The following KLHL29 variants were observed in gnomAD, a reference collection of about 807,000 sequenced individuals.
KLHL29 encodes the protein kelch-like protein 29.
A neutral mutation model predicts 80.4 loss-of-function variants in KLHL29; 21 were observed. That is an observed-to-expected ratio of 0.26 (90% confidence interval 0.19 to 0.38). KLHL29 has a LOEUF of 0.38. Among genes scored for constraint, KLHL29 ranks in the 10% least tolerant of loss-of-function variants. The pLI, the probability that KLHL29 is intolerant of heterozygous loss-of-function variation, is 1.00. For missense variants in KLHL29, 867 were observed against 1,223.9 expected, an observed-to-expected ratio of 0.71 and a Z score of 4.35; for synonymous variants, 511 against 526.8, an observed-to-expected ratio of 0.97 and a Z score of 0.41.
At chr2:23,491,547 C>T (rs1049154675) in intron 2 of KLHL29, among the ~76,000 whole-genome samples, 6 of 93,470 alleles carry the variant, frequency 6.4e-5, no homozygotes, top group Non-Finnish European at 8.8e-5. Context: ...AGCCTTCCCC[C>T]GCTGGGCCAG....
At position 23,684,791 on chromosome 2, in the gene KLHL29, G is replaced by A. The variant is rs1671190325; in HGVS notation, c.1079+254G>A. On this transcript the variant is annotated intron_variant, in intron 6 of 13. Coordinates refer to ENST00000486442, the MANE Select transcript of KLHL29 (RefSeq NM_052920.2). This position sits in a 1 kb window ranked among gnomAD's most constrained non-coding sequence, Gnocchi z 4.4. Reference sequence around the variant, plus strand: ...GCTTTGCTGGTCACCAGGGGCCTCTGCCAGCAGTAGACAACACCGTGCCCC... The same window carrying A: ...GCTTTGCTGGTCACCAGGGGCCTCTACCAGCAGTAGACAACACCGTGCCCC... Among the ~76,000 whole-genome samples, 1 of 152,066 alleles carries A rather than the reference G, an allele frequency of 6.6e-6. No homozygotes were observed. Among genetic ancestry groups the A allele is most frequent in the Admixed American group, 6.5e-5 (1 of 15,268 alleles).
In KLHL29 at chr2:23,695,857, A is replaced by G. The variant is rs1334548435; in HGVS notation, c.1741+36A>G. On this transcript the variant is annotated intron_variant, in intron 9 of 13. Coordinates refer to ENST00000486442, the MANE Select transcript of KLHL29 (RefSeq NM_052920.2). The surrounding 1 kb of genome is among the most constrained non-coding windows in gnomAD (Gnocchi z 7.6). ...GCACGCCCCGAACCTCCCAAGAAGC[A>G]GTGTCTTGGGCTCAGTGGTTCCAGT... The G allele has an allele frequency of 6.5e-7, 1 of 1,538,292 alleles. No homozygotes were observed. Among genetic ancestry groups the G allele is most frequent in the Non-Finnish European group, 8.8e-7 (1 of 1,140,924 alleles).
intron 1 of KLHL29, among the ~76,000 whole-genome samples, chr2:23,417,224 C>T (rs1226213016): frequency 2.6e-5 from 4 of 152,144 alleles, no homozygotes; most frequent in Non-Finnish European, 5.9e-5. Context: ...CATCTCCTGG[C>T]CTCTGAGCTT....
chr2:23,591,718 C>T (rs914636510), intron 3 of KLHL29, among the ~76,000 whole-genome samples: 15 of 152,166 alleles, frequency 9.9e-5, no homozygotes, highest in African/African-American at 3.6e-4. Context: ...TCCATCCTGT[C>T]CCTCCAGCCT....
At position 23,642,353 on chromosome 2, in the gene KLHL29, T is replaced by A; in HGVS notation, c.443T>A (p.Val148Glu). 7.0e-7 allele frequency: 1 copy of A among 1,434,926 alleles called. No individual in the cohort carries two copies. The highest frequency in any genetic ancestry group is 9.2e-7 in the Non-Finnish European group (1 of 1,089,162). The allele number at this position is 1,434,926 out of a possible 1,614,324, so 88.9% of individuals were successfully genotyped here. A position where few individuals can be genotyped will look rare whatever the true frequency, so the allele number is the denominator to read the frequency against. The change falls in exon 5 of 14, where the codon GTG (valine) becomes GAG (glutamate). Residue 148 changes from valine to glutamate, a missense_variant. Val to Glu is a moderately radical substitution (Grantham distance 121). This residue lies in a region of KLHL29 where 424 missense variants were observed against 456.9 expected (regional missense o/e 0.93). Transcript: ENST00000486442. ...TCCCTTGCAGGCACAGGGCCATGGG[T>A]GACCACGGTGGCCGCCGGGAACCAG... Reference protein sequence around the residue: ...ESDNPGTGPWVTTVAAGNQPT... With the variant: ...ESDNPGTGPWETTVAAGNQPT...
chr2:23,455,721 C>T (rs554493696), intron 1 of KLHL29, among the ~76,000 whole-genome samples: 34 of 150,712 alleles, frequency 2.3e-4, no homozygotes, highest in African/African-American at 8.3e-4. Context: ...AAAAGATTCT[C>T]CTGCCTCAGC....
Position 23,465,473 on chromosome 2 carries a change from A to G in KLHL29, c.-153-10087A>G, listed in dbSNP as rs114077793. On this transcript the variant is annotated intron_variant, in intron 1 of 13. Coordinates refer to ENST00000486442, the MANE Select transcript of KLHL29 (RefSeq NM_052920.2). The stretch of plus-strand genomic sequence containing the variant: ...ATCAGCAAGAGGCAGGAGGCAATGC[A>G]TAAATACCCCGGCTTCCTCGCCTCA... Among the ~76,000 whole-genome samples, 907 of 152,312 alleles carry G rather than the reference A, an allele frequency of 6.0e-3. 13 individuals carry two copies. Among genetic ancestry groups the G allele is most frequent in the African/African-American group, 0.021 (867 of 41,570 alleles).
At chr2:23,703,589 A>G in intron 12 of KLHL29, 130 bp from the exon 13 acceptor site, 2 of 1,228,176 alleles carry the variant, frequency 1.6e-6, no homozygotes, top group Non-Finnish European at 2.2e-6. Context: ...CCCCGGACCC[A>G]TCCCCAGGCC....
intron 3 of KLHL29, among the ~76,000 whole-genome samples, chr2:23,574,349 G>A (rs529195894): frequency 2.6e-4 from 40 of 152,268 alleles, no homozygotes; most frequent in African/African-American, 6.7e-4. Flanking sequence ...GTACTTGACC[G>A]GCTGAATGAC....
At chr2:23,622,220 G>A (rs1669200535) in intron 3 of KLHL29, among the ~76,000 whole-genome samples, 1 of 152,142 alleles carries the variant, frequency 6.6e-6, no homozygotes, top group African/African-American at 2.4e-5. Context: ...TTGATGCCCT[G>A]TTGTTCTGAC....
chr2:23,620,096 G>A (rs927211485), intron 3 of KLHL29, among the ~76,000 whole-genome samples: 1 of 152,168 alleles, frequency 6.6e-6, no homozygotes, highest in South Asian at 2.1e-4. Flanking sequence ...GGATAAGATG[G>A]AGCGAGCCTC....
intron 3 of KLHL29, among the ~76,000 whole-genome samples, chr2:23,569,161 A>T (rs934094666): frequency 2.0e-5 from 3 of 152,234 alleles, no homozygotes; most frequent in Non-Finnish European, 2.9e-5. Flanking sequence ...TTTGGAATTT[A>T]AAAATCACCC....
At chr2:23,590,230 T>G (rs1250221328) in intron 3 of KLHL29, among the ~76,000 whole-genome samples, 2 of 152,244 alleles carry the variant, frequency 1.3e-5, no homozygotes, top group Non-Finnish European at 2.9e-5. Context: ...TGATACTCTC[T>G]CTGCCCTGGG....
chr2:23,657,854 G>GGCAGGA (rs930871141), intron 5 of KLHL29, among the ~76,000 whole-genome samples: 2 of 152,328 alleles, frequency 1.3e-5, no homozygotes, highest in African/African-American at 2.4e-5. Flanking sequence ...CTGAGGCTCT[G>GGCAGGA]GCAGGAGCAG....
At chr2:23,640,127 T>C (rs1040654362) in intron 4 of KLHL29, among the ~76,000 whole-genome samples, 1 of 152,116 alleles carries the variant, frequency 6.6e-6, no homozygotes, top group African/African-American at 2.4e-5. Context: ...GTCCTCACAG[T>C]TGGGCTTAGG....
intron 3 of KLHL29, among the ~76,000 whole-genome samples, chr2:23,620,426 G>A (rs1669144317): frequency 1.3e-5 from 2 of 152,100 alleles, no homozygotes; most frequent in African/African-American, 4.8e-5. Flanking sequence ...CAGAGGTGAG[G>A]GTCAGGGAGG....
chr2:23,635,429 T>C (rs576834564), intron 3 of KLHL29, among the ~76,000 whole-genome samples: 46 of 152,262 alleles, frequency 3.0e-4, no homozygotes, highest in African/African-American at 1.0e-3. Flanking sequence ...AACCCACGTG[T>C]CCTCTGAGAC....
intron 1 of KLHL29, among the ~76,000 whole-genome samples, chr2:23,460,913 C>T (rs1037694907): frequency 2.0e-5 from 3 of 152,172 alleles, no homozygotes; most frequent in East Asian, 1.9e-4. Context: ...GCAGAGGCAC[C>T]GTGACTGATA....
intron 1 of KLHL29, among the ~76,000 whole-genome samples, chr2:23,391,032 T>C (rs1229760681): frequency 6.6e-6 from 1 of 152,186 alleles, no homozygotes; most frequent in Non-Finnish European, 1.5e-5. Flanking sequence ...TGAAAGTCTA[T>C]ACCCGTTAAA....
Sources: allele counts gnomAD v4.1 joint callset (sites outside exome capture counted in the v4.1 genomes callset), GRCh38; gene constraint gnomAD v4.1.1; regional missense constraint gnomAD v4.1.1; non-coding constraint Gnocchi (gnomAD v3.1); transcripts MANE v1.5; gene names NCBI Gene and HGNC (gene_info 2026-07-23, HGNC 2026-07-21).